CACNB2: variants seen among roughly 807,000 people sequenced by gnomAD.
The protein encoded by CACNB2 is voltage-dependent L-type calcium channel subunit beta-2.
Under a neutral mutation model 73.3 loss-of-function variants are expected in CACNB2, and 42 were observed. That is an observed-to-expected ratio of 0.57 (90% CI 0.45 to 0.74). The LOEUF (loss-of-function observed/expected upper bound fraction) is 0.74. Ranked by LOEUF, CACNB2 falls within the 30% of genes least tolerant of loss-of-function variation. CACNB2 has a pLI of 0.00. For missense variants in CACNB2, 940 were observed against 853.0 expected (o/e 1.10, Z -1.27); for synonymous variants, 348 against 310.3 (o/e 1.12, Z -1.28).
At chr10:18,205,294 G>A (rs115656065) in intron 2 of CACNB2, among the ~76,000 whole-genome samples, 16 of 152,030 alleles carry the variant, frequency 1.1e-4, no homozygotes, top group African/African-American at 3.9e-4. Flanking sequence ...CGTATAATGG[G>A]GACACTAATA....
At chr10:18,510,059 A>G (rs1350169931) in intron 6 of CACNB2, among the ~76,000 whole-genome samples, 1 of 152,186 alleles carries the variant, frequency 6.6e-6, no homozygotes, top group African/African-American at 2.4e-5. Context: ...TGCCTTGGTA[A>G]GTTTCTTTAA....
At chr10:18,261,283 G>T in intron 2 of CACNB2, 1 of 1,551,492 alleles carries the variant, frequency 6.4e-7, no homozygotes, top group Non-Finnish European at 8.7e-7. Context: ...CAGTGCTGCG[G>T]GCTGGTGCAT....
chr10:18,419,778 G>A (rs1328147709), intron 3 of CACNB2, among the ~76,000 whole-genome samples: 1 of 152,120 alleles, frequency 6.6e-6, no homozygotes, highest in Non-Finnish European at 1.5e-5. Context: ...TGGAATGCTG[G>A]CTTATATGGG....
chr10:18,239,250 T>C (rs2036559832), intron 2 of CACNB2, among the ~76,000 whole-genome samples: 2 of 152,202 alleles, frequency 1.3e-5, no homozygotes, highest in Admixed American at 1.3e-4. Flanking sequence ...AGGCTTTTAG[T>C]GTAACCATCC....
chr10:18,150,830 A>AGG, intron 1 of CACNB2, 53 bp from the exon 2 acceptor site: 1 of 1,150,440 alleles, frequency 8.7e-7, no homozygotes, highest in Non-Finnish European at 1.2e-6. Flanking sequence ...TTCCTGTTAA[A>AGG]GGGTCTCATA....
At chr10:18,228,441 A>AAAAAAAAAAAG (rs1564360874) in intron 2 of CACNB2, among the ~76,000 whole-genome samples, 2 of 145,090 alleles carry the variant, frequency 1.4e-5, no homozygotes, top group Non-Finnish European at 3.0e-5. Flanking sequence ...CTCAAAAAAA[A>AAAAAAAAAAAG]AAAAAAAAGA....
In CACNB2 at chr10:18,539,409, C is replaced by T; in HGVS notation, c.1668C>T (p.Asp556=). The T allele has an allele frequency of 6.2e-7, 1 of 1,614,062 alleles. No homozygotes were observed. The highest frequency in any genetic ancestry group is 8.5e-7 in the Non-Finnish European group (1 of 1,180,016). ...GCCTCTCCAGGCAAGAGACATTTGACTCGGAAACCCAGGAGAGTCGAGACT... is the reference window on the plus strand; with the variant it reads ...GCCTCTCCAGGCAAGAGACATTTGATTCGGAAACCCAGGAGAGTCGAGACT... The part of the protein sequence containing the change: ...SRGLSRQETF[D]SETQESRDSA... Residue 556 remains aspartate (D), a synonymous_variant, in exon 14 of 14, where the codon GAC becomes GAT. Coordinates refer to ENST00000324631, the MANE Select transcript of CACNB2 (RefSeq NM_201596.3).
intron 3 of CACNB2, among the ~76,000 whole-genome samples, chr10:18,411,050 A>G (rs79576525): frequency 0.031 from 4,649 of 152,292 alleles, 186 homozygotes; most frequent in South Asian, 0.12. Flanking sequence ...AAAATATGTC[A>G]CACATTCTTA....
At chr10:18,245,213 C>T (rs983931031) in intron 2 of CACNB2, among the ~76,000 whole-genome samples, 1 of 152,100 alleles carries the variant, frequency 6.6e-6, no homozygotes, top group Non-Finnish European at 1.5e-5. Context: ...CAAACACATA[C>T]AGGCACACAG....
At chr10:18,210,627 T>C (rs1461682046) in intron 2 of CACNB2, among the ~76,000 whole-genome samples, 1 of 152,126 alleles carries the variant, frequency 6.6e-6, no homozygotes, top group Non-Finnish European at 1.5e-5. Context: ...AGTTTCCTTA[T>C]CTGAAAATTG....
intron 2 of CACNB2, among the ~76,000 whole-genome samples, chr10:18,230,935 A>C: frequency 6.6e-6 from 1 of 151,978 alleles, no homozygotes; most frequent in South Asian, 2.1e-4. Flanking sequence ...AGAAAAACCC[A>C]GAAATTTCTC....
At chr10:18,177,096 T>G (rs17605326) in intron 2 of CACNB2, among the ~76,000 whole-genome samples, 4 of 152,026 alleles carry the variant, frequency 2.6e-5, no homozygotes, top group African/African-American at 9.7e-5. Context: ...CAAAGACATT[T>G]AGCAAGGAGA....
intron 2 of CACNB2, among the ~76,000 whole-genome samples, chr10:18,285,825 A>C (rs534488753): frequency 3.3e-5 from 5 of 152,288 alleles, no homozygotes; most frequent in Admixed American, 2.6e-4. Flanking sequence ...AAATAGCTTT[A>C]TGGAATAATA....
chr10:18,517,270 A>G (rs2051374568), intron 7 of CACNB2, among the ~76,000 whole-genome samples: 1 of 152,194 alleles, frequency 6.6e-6, no homozygotes. Context: ...GTCTAAGGCC[A>G]TATCACTCTT....
intron 3 of CACNB2, among the ~76,000 whole-genome samples, chr10:18,424,607 T>C (rs2045503198): frequency 6.6e-6 from 1 of 152,244 alleles, no homozygotes. Flanking sequence ...ATCATTATGC[T>C]GAATGTGGTG....
intron 3 of CACNB2, among the ~76,000 whole-genome samples, chr10:18,469,552 T>G (rs10764520): frequency 6.6e-6 from 1 of 151,962 alleles, no homozygotes; most frequent in East Asian, 1.9e-4. Context: ...ATTCCTAAAC[T>G]GTATCCAAAT....
rs775584478 is a variant in CACNB2 at position 18,538,379 on chromosome 10, T to TTA, written c.1488+22_1488+23dup. 5.0e-6 allele frequency: 8 copies of TTA among 1,609,700 alleles called. No individual in the cohort carries two copies. The Admixed American group carries it at 5.0e-5, about 10-fold the overall frequency. ...TCTAATTCACAGGTAAGGGGAGTTT[T>TTA]TATATATATCTATATATACAATCTT... On this transcript the variant is annotated intron_variant, in intron 13 of 13. Coordinates refer to ENST00000324631, the MANE Select transcript of CACNB2 (RefSeq NM_201596.3).
At chr10:18,522,720 A>G (rs1432225834) in intron 9 of CACNB2, among the ~76,000 whole-genome samples, 1 of 152,046 alleles carries the variant, frequency 6.6e-6, no homozygotes. Context: ...TCTACTAAAG[A>G]TAAGAAAATT....
chr10:18,494,229 CAT>C (rs757651317), intron 3 of CACNB2, among the ~76,000 whole-genome samples: 8 of 152,126 alleles, frequency 5.3e-5, no homozygotes, highest in Non-Finnish European at 8.8e-5. Context: ...TGGTAGAAGT[CAT>C]AAGATTTTCT....
Sources: allele counts gnomAD v4.1 joint callset (sites outside exome capture counted in the v4.1 genomes callset), GRCh38; gene constraint gnomAD v4.1.1; transcripts MANE v1.5; gene names NCBI Gene and HGNC (gene_info 2026-07-23, HGNC 2026-07-21).